The following ADAMTSL1 variants were observed in gnomAD, a reference collection of about 807,000 sequenced individuals.
ADAMTSL1 encodes ADAMTS like 1.
Under a neutral mutation model 201.8 loss-of-function variants are expected in ADAMTSL1, and 126 were observed. That is an observed-to-expected ratio of 0.62 (90% CI 0.54 to 0.72). The LOEUF is 0.72. ADAMTSL1 is among the 30% of genes least tolerant of loss of function. ADAMTSL1 has a pLI of 0.00. For synonymous variants in ADAMTSL1, 1,121 were observed against 903.4 expected, an observed-to-expected ratio of 1.24 and a Z score of -4.32; for missense variants, 2,679 against 2,277.8, an observed-to-expected ratio of 1.18 and a Z score of -3.59.
chr9:18,076,762 G>C (rs1424350744), intron 1 of ADAMTSL1, among the ~76,000 whole-genome samples: 2 of 152,160 alleles, frequency 1.3e-5, no homozygotes, highest in African/African-American at 4.8e-5. Flanking sequence ...CTTATATGTG[G>C]AGAGGGGCTG....
In ADAMTSL1 at chr9:18,908,535, G is replaced by C; in HGVS notation, c.5276G>C (p.Cys1759Ser). The change falls in exon 29 of 29, where the codon TGT becomes TCT. Residue 1759 changes from cysteine to serine, a missense_variant. By Grantham distance (112) the Cys-to-Ser change is moderately radical. Coordinates refer to ENST00000380548, the MANE Select transcript of ADAMTSL1 (RefSeq NM_001040272.6). ...TTTAAATCTCGCTGCTGTGGAACTT[G>C]TGGCAAAGCGTGAAGATAGGGTGTG... ...SQFKSRCCGT[C>S]GKA 3 of 1,560,586 alleles carry C rather than the reference G, an allele frequency of 1.9e-6. No individual in the cohort carries two copies. Among genetic ancestry groups the C allele is most frequent in the Non-Finnish European group, 2.6e-6 (3 of 1,152,280 alleles).
chr9:17,980,378 T>G (rs546941709), intron 1 of ADAMTSL1, among the ~76,000 whole-genome samples: 1 of 152,274 alleles, frequency 6.6e-6, no homozygotes, highest in Admixed American at 6.5e-5. Context: ...TGTCACATTT[T>G]GGTCTGTTTT....
intron 2 of ADAMTSL1, among the ~76,000 whole-genome samples, chr9:18,523,321 T>A (rs1037825545): frequency 6.6e-6 from 1 of 152,158 alleles, no homozygotes; most frequent in Admixed American, 6.6e-5. Flanking sequence ...GTTTGAATTC[T>A]TTTTAGATTG....
At chr9:17,975,407 C>A (rs192673600) in intron 1 of ADAMTSL1, among the ~76,000 whole-genome samples, 28 of 152,132 alleles carry the variant, frequency 1.8e-4, no homozygotes, top group Admixed American at 1.8e-3. Context: ...AGAGCTCGAT[C>A]TCTGATTCAT....
chr9:18,545,041 G>A (rs963590238), intron 3 of ADAMTSL1, among the ~76,000 whole-genome samples: 12 of 152,108 alleles, frequency 7.9e-5, no homozygotes, highest in African/African-American at 2.9e-4. Context: ...CACAATCCCC[G>A]TTATTGAAAA....
intron 16 of ADAMTSL1, among the ~76,000 whole-genome samples, chr9:18,767,069 A>T (rs1412691327): frequency 1.3e-5 from 2 of 152,190 alleles, no homozygotes; most frequent in Non-Finnish European, 2.9e-5. Flanking sequence ...TTTGTCCTGG[A>T]TGTGGCACAA....
At chr9:18,046,869 T>G (rs1821682244) in intron 1 of ADAMTSL1, among the ~76,000 whole-genome samples, 1 of 152,148 alleles carries the variant, frequency 6.6e-6, no homozygotes, top group African/African-American at 2.4e-5. Flanking sequence ...GTAGGTAAGT[T>G]CTCTGATTCC....
intron 2 of ADAMTSL1, among the ~76,000 whole-genome samples, chr9:18,203,062 C>G (rs141151577): frequency 6.6e-6 from 1 of 152,108 alleles, no homozygotes; most frequent in Non-Finnish European, 1.5e-5. Flanking sequence ...TTTCCCAGCT[C>G]TTTCCTGACC....
At chr9:18,452,113 A>T (rs1426222159) in intron 2 of ADAMTSL1, among the ~76,000 whole-genome samples, 1 of 152,080 alleles carries the variant, frequency 6.6e-6, no homozygotes, top group Non-Finnish European at 1.5e-5. Flanking sequence ...GGGTTTCTCC[A>T]TGTTGGTCAG....
rs118032415 is a variant in ADAMTSL1 at position 17,917,324 on chromosome 9, T to G, written c.87+10402T>G. Reference sequence around the variant, plus strand: ...GTGGTATGAACAGATATCCTTGTCTTGTTTATCATTAAGTATGATGTTAGG... The same window carrying G: ...GTGGTATGAACAGATATCCTTGTCTGGTTTATCATTAAGTATGATGTTAGG... On this transcript the variant is annotated intron_variant, in intron 1 of 29. Coordinates refer to the ADAMTSL1 transcript ENST00000680146. 1.0e-3 allele frequency among the ~76,000 whole-genome samples: 156 copies of G among 152,242 alleles called. 2 individuals are homozygous for G. The East Asian group carries it at 0.022, about 22-fold the overall frequency.
rs116940429 is a variant in ADAMTSL1, at chr9:18,392,910, A to G, written c.208-111919A>G. On this transcript the variant is annotated intron_variant, in intron 2 of 29. Transcript: ENST00000680146. ...TGCTTCTGCCAGTCTTAGGCTACAC[A>G]TGGCTATTTCACATGCTACCTAAGG... Among the ~76,000 whole-genome samples the G allele has an allele frequency of 2.7e-3, 415 of 152,248 alleles. 8 individuals are homozygous for G. The East Asian group carries it at 0.033, about 12-fold the overall frequency.
intron 26 of ADAMTSL1, among the ~76,000 whole-genome samples, chr9:18,895,549 A>G (rs897343810): frequency 1.3e-5 from 2 of 151,828 alleles, no homozygotes; most frequent in African/African-American, 4.8e-5. Flanking sequence ...GTGGAGACTG[A>G]CCCTCTATGC....
chr9:18,665,667 C>G (rs1252299956), intron 9 of ADAMTSL1, among the ~76,000 whole-genome samples: 1 of 152,074 alleles, frequency 6.6e-6, no homozygotes, highest in Non-Finnish European at 1.5e-5. Flanking sequence ...TTCCCACCAT[C>G]TTCTTTCTTT....
At chr9:17,923,175 A>G (rs1339177133) in intron 1 of ADAMTSL1, among the ~76,000 whole-genome samples, 1 of 151,612 alleles carries the variant, frequency 6.6e-6, no homozygotes, top group Non-Finnish European at 1.5e-5. Flanking sequence ...CAATTCTGTG[A>G]AGAAAGTCGT....
intron 1 of ADAMTSL1, among the ~76,000 whole-genome samples, chr9:18,014,357 G>A (rs1032678434): frequency 6.6e-6 from 1 of 151,954 alleles, no homozygotes; most frequent in Non-Finnish European, 1.5e-5. Flanking sequence ...GCATAACTTG[G>A]GAATGGAAAC....
At chr9:18,788,982 G>A (rs79439710) in intron 19 of ADAMTSL1, among the ~76,000 whole-genome samples, 1,849 of 152,110 alleles carry the variant, frequency 0.012, 30 homozygotes, top group African/African-American at 0.036. Context: ...ATAGAATTAA[G>A]GTAGTTGCCA....
chr9:18,177,464 G>C (rs1053183965), intron 2 of ADAMTSL1, among the ~76,000 whole-genome samples: 1 of 152,154 alleles, frequency 6.6e-6, no homozygotes. Context: ...CCAGACAGTG[G>C]CGTGAAAATA....
intron 2 of ADAMTSL1, among the ~76,000 whole-genome samples, chr9:18,526,998 T>A (rs758841666): frequency 1.3e-5 from 2 of 152,178 alleles, no homozygotes; most frequent in Non-Finnish European, 2.9e-5. Context: ...GAGATAGGCT[T>A]GTATTCACAG....
intron 1 of ADAMTSL1, among the ~76,000 whole-genome samples, chr9:18,006,325 G>A (rs979462593): frequency 1.3e-5 from 2 of 151,888 alleles, no homozygotes; most frequent in African/African-American, 4.8e-5. Flanking sequence ...ATAATTAATT[G>A]CAAGCTTATA....
Sources: allele counts gnomAD v4.1 joint callset (sites outside exome capture counted in the v4.1 genomes callset), GRCh38; gene constraint gnomAD v4.1.1; transcripts MANE v1.5; gene names NCBI Gene and HGNC (gene_info 2026-07-23, HGNC 2026-07-21).